DLG2: variants seen among roughly 807,000 people sequenced by gnomAD.
DLG2 encodes the protein disks large homolog 2.
DLG2 carries 45 observed loss-of-function variants against 132.5 expected under a neutral mutation model. The observed-to-expected ratio is 0.34, with a 90% CI of 0.27 to 0.44. DLG2 has a LOEUF of 0.44. Ranked by LOEUF, DLG2 falls within the 20% of genes least tolerant of loss-of-function variation. The pLI is 1.00. For synonymous variants in DLG2, 424 were observed against 419.6 expected (o/e 1.01, Z -0.13); for missense variants, 1,045 against 1,196.9 (o/e 0.87, Z 1.87).
intron 18 of DLG2, among the ~76,000 whole-genome samples, chr11:83,668,620 T>C (rs1000917510): frequency 1.5e-4 from 22 of 151,398 alleles, no homozygotes; most frequent in South Asian, 6.3e-4. Context: ...AAACTATATA[T>C]ACACACACAC....
intron 6 of DLG2, among the ~76,000 whole-genome samples, chr11:84,855,279 C>A (rs975389092): frequency 7.2e-5 from 11 of 151,992 alleles, no homozygotes; most frequent in Non-Finnish European, 4.4e-5. Flanking sequence ...AATGTGACTC[C>A]CATTTTGCTT....
chr11:84,695,878 T>C (rs1174861608), intron 6 of DLG2, among the ~76,000 whole-genome samples: 1 of 151,486 alleles, frequency 6.6e-6, no homozygotes, highest in Non-Finnish European at 1.5e-5. Flanking sequence ...TGTAACATAC[T>C]GGGTACTGTT....
intron 7 of DLG2, among the ~76,000 whole-genome samples, chr11:84,532,117 A>ATTTTTTTTTTTTT (rs67139617): frequency 4.8e-5 from 5 of 104,574 alleles, no homozygotes; most frequent in African/African-American, 1.5e-4. Flanking sequence ...TGTTCTGTTC[A>ATTTTTTTTTTTTT]TTTTTTTTTT....
chr11:83,617,010 A>G (rs1303341441), intron 19 of DLG2, among the ~76,000 whole-genome samples: 12 of 152,168 alleles, frequency 7.9e-5, no homozygotes, highest in Non-Finnish European at 8.8e-5. Context: ...ACTTGTCTAC[A>G]CTTATACCAA....
chr11:84,734,273 T>C (rs1032237832), intron 6 of DLG2, among the ~76,000 whole-genome samples: 1 of 152,186 alleles, frequency 6.6e-6, no homozygotes, highest in Non-Finnish European at 1.5e-5. Context: ...TCCAGGAGCA[T>C]GGAATGCTCT....
intron 3 of DLG2, among the ~76,000 whole-genome samples, chr11:85,387,418 G>A (rs186779602): frequency 5.9e-5 from 9 of 152,262 alleles, no homozygotes; most frequent in Admixed American, 5.9e-4. Flanking sequence ...CAAAAAATCA[G>A]TGTTTGTTTT....
intron 18 of DLG2, among the ~76,000 whole-genome samples, chr11:83,648,441 G>T (rs1259527611): frequency 6.6e-6 from 1 of 152,142 alleles, no homozygotes; most frequent in African/African-American, 2.4e-5. Flanking sequence ...AATAGAAAGT[G>T]CAGGACAAAG....
intron 3 of DLG2, among the ~76,000 whole-genome samples, chr11:85,333,552 T>G (rs1164718989): frequency 1.3e-5 from 2 of 152,188 alleles, no homozygotes; most frequent in Non-Finnish European, 2.9e-5. Context: ...CCATTTAGTA[T>G]GATGTTGGCT....
intron 6 of DLG2, among the ~76,000 whole-genome samples, chr11:84,698,603 C>T (rs1208177823): frequency 5.3e-5 from 8 of 151,498 alleles, no homozygotes; most frequent in Non-Finnish European, 8.9e-5. Flanking sequence ...GCATATACTT[C>T]GTTCTAAGTT....
At chr11:84,809,353 T>C (rs2076318375) in intron 6 of DLG2, among the ~76,000 whole-genome samples, 2 of 151,934 alleles carry the variant, frequency 1.3e-5, no homozygotes, top group South Asian at 4.1e-4. Context: ...ATGAATTATT[T>C]TGTACTATGA....
chr11:85,128,216 ATTTT>A lies in DLG2; in HGVS notation c.283-16485_283-16482del, dbSNP rs566807706. Among the ~76,000 whole-genome samples, 686 of 152,132 alleles carry A rather than the reference ATTTT, an allele frequency of 4.5e-3. 2 individuals carry two copies. Among genetic ancestry groups the A allele is most frequent in the African/African-American group, 0.015 (628 of 41,530 alleles). ...TAACATATTGCAGTTTTATTTGTAG[ATTTT>A]TTTTAAACTTTTTCAAATGTATAAG... On this transcript the variant is annotated intron_variant, in intron 5 of 27. Transcript: ENST00000376104.
chr11:84,218,096 A>G (rs567788024), intron 8 of DLG2, among the ~76,000 whole-genome samples: 95 of 152,144 alleles, frequency 6.2e-4, no homozygotes, highest in Admixed American at 4.1e-3. Flanking sequence ...TGAACCCAGG[A>G]GGTGGAAATT....
chr11:84,132,847 G>A (rs1437942698), intron 9 of DLG2, among the ~76,000 whole-genome samples: 2 of 151,974 alleles, frequency 1.3e-5, no homozygotes, highest in Non-Finnish European at 2.9e-5. Context: ...TGAAGTGGAT[G>A]AAACAGCACT....
At chr11:84,488,531 T>C (rs149033450) in intron 7 of DLG2, among the ~76,000 whole-genome samples, 11 of 152,174 alleles carry the variant, frequency 7.2e-5, no homozygotes, top group Admixed American at 3.9e-4. Flanking sequence ...AGCCCTGAGA[T>C]TTGTATGTAT....
At chr11:85,190,522 C>A (rs1269465095) in intron 4 of DLG2, among the ~76,000 whole-genome samples, 1 of 151,684 alleles carries the variant, frequency 6.6e-6, no homozygotes, top group Non-Finnish European at 1.5e-5. Context: ...ATAAGCTACA[C>A]TGAATGAAAT....
intron 3 of DLG2, among the ~76,000 whole-genome samples, chr11:85,466,836 A>G (rs886521714): frequency 6.6e-6 from 1 of 152,138 alleles, no homozygotes. Context: ...GTGTTTTCCA[A>G]TTCTGTGAAG....
chr11:85,122,715 A>G (rs929115856), intron 5 of DLG2, among the ~76,000 whole-genome samples: 33 of 151,916 alleles, frequency 2.2e-4, no homozygotes, highest in African/African-American at 6.5e-4. Flanking sequence ...CTAGCAGATG[A>G]TATTGCATTT....
Position 84,670,177 on chromosome 11 carries a change from G to A in DLG2, c.358-135446C>T, listed in dbSNP as rs771865881. Reference sequence around the variant, plus strand: ...GTCAATTCCAACCTTCCTCTTGATCGCATTTACACCATTCTGAGCCTTCCC... The same window carrying A: ...GTCAATTCCAACCTTCCTCTTGATCACATTTACACCATTCTGAGCCTTCCC... On this transcript the variant is annotated intron_variant, in intron 6 of 27. Transcript: ENST00000376104. 8.5e-5 allele frequency among the ~76,000 whole-genome samples: 13 copies of A among 152,088 alleles called. No individual in the cohort carries two copies. In the East Asian group the frequency reaches 1.7e-3, roughly 20 times the overall value.
chr11:84,461,811 G>T (rs1036204689), intron 7 of DLG2, among the ~76,000 whole-genome samples: 2 of 150,734 alleles, frequency 1.3e-5, no homozygotes, highest in Admixed American at 6.6e-5. Context: ...TCCTGTGGTA[G>T]ATAGAGCAAT....
Sources: gnomAD v4.1 joint callset for allele counts (sites outside exome capture counted in the v4.1 genomes callset) on GRCh38, gnomAD v4.1.1 for gene constraint, MANE v1.5 for transcripts, NCBI Gene and HGNC (gene_info 2026-07-23, HGNC 2026-07-21) for gene names.